YAP1: variants seen among roughly 807,000 people sequenced by gnomAD.
YAP1 encodes the protein transcriptional coactivator YAP1.
A neutral mutation model predicts 56.9 loss-of-function variants in YAP1; 5 were observed. That is an observed-to-expected ratio of 0.09 (90% CI 0.05 to 0.18). The LOEUF (loss-of-function observed/expected upper bound fraction) is 0.18, where lower values mean the gene tolerates loss of function less well. Among genes scored for constraint, YAP1 ranks in the 10% least tolerant of loss-of-function variants. The pLI is 1.00. For synonymous variants in YAP1, 265 were observed against 248.1 expected (o/e 1.07, Z -0.64); for missense variants, 539 against 651.8 (o/e 0.83, Z 1.88).
intron 2 of YAP1, among the ~76,000 whole-genome samples, chr11:102,144,253 C>T (rs534409845): frequency 6.6e-6 from 1 of 152,252 alleles, no homozygotes; most frequent in East Asian, 1.9e-4. Flanking sequence ...AATATTTTCT[C>T]AACTATGTAC....
chr11:102,228,660 A>G (rs928547736), intron 8 of YAP1, among the ~76,000 whole-genome samples: 8 of 147,806 alleles, frequency 5.4e-5, no homozygotes, highest in Admixed American at 1.3e-4. Context: ...AAAAAAAAAA[A>G]AGAATAGTTG....
rs1358713382 is a variant in YAP1 at position 102,231,963 on chromosome 11, A to G, written c.*2023A>G. ...AAATGCAATCACTGTGTTGTATATAATAGTTCATAGGTTGATCACTCATAA... is the reference window on the plus strand; with the variant it reads ...AAATGCAATCACTGTGTTGTATATAGTAGTTCATAGGTTGATCACTCATAA... On this transcript the variant is annotated 3_prime_UTR_variant, in exon 9 of 9. Transcript: ENST00000282441. The G allele has an allele frequency of 6.6e-6, 1 of 152,606 alleles. No homozygotes were observed. The highest frequency in any genetic ancestry group is 1.5e-5 in the Non-Finnish European group (1 of 68,024). 9.5% of individuals were successfully genotyped at this position (152,606 alleles called of 1,614,324 possible).
At chr11:102,114,118 T>G (rs892658016) in intron 1 of YAP1, 26 bp from the exon 2 acceptor site, 3 of 1,554,198 alleles carry the variant, frequency 1.9e-6, no homozygotes, top group Non-Finnish European at 2.6e-6. Flanking sequence ...TCTTTTTTAA[T>G]TTTTCATCTT....
intron 2 of YAP1, among the ~76,000 whole-genome samples, chr11:102,154,639 G>A (rs1591254723): frequency 1.3e-5 from 2 of 152,202 alleles, no homozygotes; most frequent in South Asian, 2.1e-4. Context: ...TGCCACATAC[G>A]AAATCCACAG....
In YAP1 at chr11:102,110,915, C is replaced by G. The variant is rs1465441942; in HGVS notation, c.67C>G (p.Pro23Ala). Reference protein sequence around the residue: ...PQGQGQPPSQPPQGQGPPSGP... With the variant: ...PQGQGQPPSQAPQGQGPPSGP... ...GGGCCAAGGGCAGCCGCCTTCGCAG[C>G]CCCCGCAGGGGCAGGGCCCGCCGTC... Residue 23 changes from proline to alanine, a missense_variant, in exon 1 of 9, where the codon CCC becomes GCC. Pro to Ala is a conservative substitution (Grantham distance 27). Around this residue, in one of 4 missense-constraint regions of YAP1, gnomAD observed 106 missense variants for 86.6 expected, o/e 1.22. Coordinates refer to ENST00000282441, the MANE Select transcript of YAP1 (RefSeq NM_001130145.3). The G allele has an allele frequency of 4.9e-6, 7 of 1,434,612 alleles. No homozygotes were observed. The African/African-American group carries it at 1.1e-4, about 22-fold the overall frequency. 88.9% of individuals were successfully genotyped at this position (1,434,612 alleles called of 1,614,324 possible).
intron 6 of YAP1, among the ~76,000 whole-genome samples, chr11:102,217,018 G>C (rs1351428281): frequency 6.6e-6 from 1 of 152,202 alleles, no homozygotes; most frequent in African/African-American, 2.4e-5. Flanking sequence ...TATCTACGCT[G>C]TAAGTAAAAC....
chr11:102,178,126 C>T (rs972565278), intron 3 of YAP1, among the ~76,000 whole-genome samples: 1 of 152,086 alleles, frequency 6.6e-6, no homozygotes, highest in Non-Finnish European at 1.5e-5. Context: ...TTAACATTTG[C>T]TTGCAAAGAA....
intron 2 of YAP1, among the ~76,000 whole-genome samples, chr11:102,117,469 T>C (rs1943359353): frequency 6.6e-6 from 1 of 152,250 alleles, no homozygotes; most frequent in Non-Finnish European, 1.5e-5. Context: ...GGCAAGACGA[T>C]GTAATTTGAG....
chr11:102,204,997 G>C (rs977246480), intron 4 of YAP1, among the ~76,000 whole-genome samples: 1 of 152,034 alleles, frequency 6.6e-6, no homozygotes. Flanking sequence ...ATCTGAAAAG[G>C]TTTATTATTC....
At chr11:102,124,248 C>G (rs992150476) in intron 2 of YAP1, among the ~76,000 whole-genome samples, 1 of 152,030 alleles carries the variant, frequency 6.6e-6, no homozygotes, top group African/African-American at 2.4e-5. Flanking sequence ...CTGCTGCGCC[C>G]GGCACTCCAT....
intron 3 of YAP1, among the ~76,000 whole-genome samples, chr11:102,163,073 CTT>C (rs1308305287): frequency 2.0e-5 from 3 of 150,196 alleles, no homozygotes; most frequent in South Asian, 2.1e-4. Flanking sequence ...AAGGCAGTAA[CTT>C]TTGTAAACCC....
At chr11:102,116,012 C>T (rs1288347685) in intron 2 of YAP1, among the ~76,000 whole-genome samples, 1 of 152,122 alleles carries the variant, frequency 6.6e-6, no homozygotes, top group African/African-American at 2.4e-5. Flanking sequence ...TTCTTTGTAT[C>T]TTGTAATAAT....
chr11:102,183,831 C>T (rs1243277846), intron 3 of YAP1, among the ~76,000 whole-genome samples: 1 of 151,882 alleles, frequency 6.6e-6, no homozygotes. Context: ...AATCCCAGCA[C>T]TTTGGGAGGC....
At chr11:102,228,341 A>G (rs904411661) in intron 8 of YAP1, among the ~76,000 whole-genome samples, 1 of 152,096 alleles carries the variant, frequency 6.6e-6, no homozygotes, top group African/African-American at 2.4e-5. Context: ...CTTTGTTAGA[A>G]TAGTTGCAGA....
rs544319357 is a variant in YAP1, at chr11:102,182,992, A to G, written c.689-3026A>G. Among the ~76,000 whole-genome samples the G allele has an allele frequency of 6.9e-4, 105 of 152,348 alleles. 3 individuals carry two copies. The South Asian group carries it at 0.021, about 30-fold the overall frequency. On this transcript the variant is annotated intron_variant, in intron 3 of 8. Coordinates refer to ENST00000282441, the MANE Select transcript of YAP1 (RefSeq NM_001130145.3). ...AGGCAAGACATTGATTCTTCCATCA[A>G]ACATTTATTGAGCAGCTATTCAGGT...
chr11:102,112,048 G>C (rs1007676154), intron 1 of YAP1, among the ~76,000 whole-genome samples: 1 of 152,134 alleles, frequency 6.6e-6, no homozygotes, highest in Non-Finnish European at 1.5e-5. Flanking sequence ...ATTTACAGTC[G>C]GCTGAAACGC....
chr11:102,138,446 G>A (rs939050435), intron 2 of YAP1, among the ~76,000 whole-genome samples: 1 of 152,134 alleles, frequency 6.6e-6, no homozygotes, highest in Non-Finnish European at 1.5e-5. Context: ...CCATTCATCT[G>A]TTTAGTCCAG....
intron 4 of YAP1, among the ~76,000 whole-genome samples, chr11:102,192,742 G>A (rs1948359299): frequency 6.6e-6 from 1 of 152,190 alleles, no homozygotes; most frequent in Admixed American, 6.5e-5. Context: ...TAGCCTTTTT[G>A]ATTTGAGTGC....
At chr11:102,165,634 C>G (rs112727069) in intron 3 of YAP1, among the ~76,000 whole-genome samples, 7,460 of 151,878 alleles carry the variant, frequency 0.049, 600 homozygotes, top group African/African-American at 0.17. Flanking sequence ...ATGTTTACAG[C>G]GTGCTAGAAG....
Sources: allele counts gnomAD v4.1 joint callset (sites outside exome capture counted in the v4.1 genomes callset), GRCh38; gene constraint gnomAD v4.1.1; regional missense constraint gnomAD v4.1.1; transcripts MANE v1.5; gene names NCBI Gene and HGNC (gene_info 2026-07-23, HGNC 2026-07-21).